NBAS: variants seen among roughly 807,000 people sequenced by gnomAD.
NBAS encodes NAG/BC035112 fusion.
NBAS carries 219 observed loss-of-function variants against 302.5 expected under a neutral mutation model. The ratio of observed to expected loss-of-function variants is 0.72; its 90% CI spans 0.65 to 0.81. NBAS has a LOEUF of 0.81. Among genes scored for constraint, NBAS ranks in the 30% least tolerant of loss-of-function variants. The probability of loss-of-function intolerance (pLI) is 0.00; values close to 1 mark genes in which losing one functional copy is unlikely to be tolerated. For missense variants in NBAS, 2,932 were observed against 2,841.6 expected, an observed-to-expected ratio of 1.03 and a Z score of -0.72; for synonymous variants, 1,118 against 1,021.6, an observed-to-expected ratio of 1.09 and a Z score of -1.80.
At chr2:15,549,669 A>G (rs1664283815) in intron 6 of NBAS, among the ~76,000 whole-genome samples, 1 of 152,020 alleles carries the variant, frequency 6.6e-6, no homozygotes, top group Non-Finnish European at 1.5e-5. Context: ...TTGAGTCTGC[A>G]GTGAGCCATG....
the NBAS span, among the ~76,000 whole-genome samples, chr2:14,804,176 G>A: frequency 6.6e-5 from 10 of 152,192 alleles, no homozygotes; most frequent in Admixed American, 3.3e-4. Context: ...CAATGCACAT[G>A]TGCCCCATGG....
At chr2:15,388,324 A>T (rs371403028) in intron 28 of NBAS, among the ~76,000 whole-genome samples, 1 of 152,184 alleles carries the variant, frequency 6.6e-6, no homozygotes, top group Admixed American at 6.5e-5. Flanking sequence ...ATTTATTCTT[A>T]GGTATTTAAT....
chr2:14,990,774 T>A, the NBAS span, among the ~76,000 whole-genome samples: 1 of 152,152 alleles, frequency 6.6e-6, no homozygotes. Context: ...TATTTTGCCA[T>A]CTTTTTAAAT....
At chr2:15,260,916 G>C (rs963070020) in intron 44 of NBAS, among the ~76,000 whole-genome samples, 1 of 152,138 alleles carries the variant, frequency 6.6e-6, no homozygotes, top group African/African-American at 2.4e-5. Context: ...TGATGTTTCC[G>C]ATCCTAATCC....
intron 9 of NBAS, among the ~76,000 whole-genome samples, chr2:15,528,692 A>G (rs1663054681): frequency 6.7e-6 from 1 of 149,124 alleles, no homozygotes; most frequent in African/African-American, 2.4e-5. Flanking sequence ...ACACTGTGAA[A>G]CCCAGTCTCT....
chr2:14,999,256 A>G, the NBAS span, among the ~76,000 whole-genome samples: 3 of 152,064 alleles, frequency 2.0e-5, no homozygotes, highest in African/African-American at 7.2e-5. Context: ...AATGTAAGCT[A>G]GCCAACTATT....
the NBAS span, among the ~76,000 whole-genome samples, chr2:14,861,779 TCA>T: frequency 0.2 from 30,660 of 152,118 alleles, 4,852 homozygotes; most frequent in African/African-American, 0.44. Flanking sequence ...AATATCAGCG[TCA>T]CTCTCTCTCC....
rs747817870 is a variant in NBAS at position 15,461,326 on chromosome 2, T to C, written c.2214A>G (p.Val738=). ...SARTYAQESN[V]QALEILFTYH... ...AAGTAAACAGAATTTCCAGGGCTTG[T>C]ACATTACTTTCCTGTACAAAAGGCA... Residue 738 remains valine, a synonymous_variant, in exon 21 of 52, where the codon GTA becomes GTG. Coordinates refer to ENST00000281513, the MANE Select transcript of NBAS (RefSeq NM_015909.4). 11 of 1,612,272 alleles carry C rather than the reference T, an allele frequency of 6.8e-6. No individual in the cohort carries two copies. Among genetic ancestry groups the C allele is most frequent in the Non-Finnish European group, 6.8e-6 (8 of 1,178,476 alleles).
intron 44 of NBAS, 137 bp from the exon 45 acceptor site, chr2:15,238,823 G>A: frequency 1.4e-6 from 1 of 717,222 alleles, no homozygotes; most frequent in East Asian, 2.8e-5. Context: ...TGTTATACTA[G>A]TTTTTCTTCT....
intron 47 of NBAS, among the ~76,000 whole-genome samples, chr2:15,220,968 G>T (rs184415220): frequency 4.6e-5 from 7 of 152,106 alleles, no homozygotes; most frequent in Middle Eastern, 3.4e-3. Context: ...CAATTTAAAA[G>T]AATTATTTGT....
At chr2:15,529,435 G>A (rs1172590524) in intron 9 of NBAS, among the ~76,000 whole-genome samples, 1 of 152,106 alleles carries the variant, frequency 6.6e-6, no homozygotes, top group African/African-American at 2.4e-5. Flanking sequence ...CGAGGCTGCA[G>A]TAAGCCAAAA....
chr2:15,045,519 T>A, the NBAS span, among the ~76,000 whole-genome samples: 1 of 152,218 alleles, frequency 6.6e-6, no homozygotes, highest in South Asian at 2.1e-4. Flanking sequence ...TTGTTTTGTT[T>A]TTTTAATTTA....
the NBAS span, among the ~76,000 whole-genome samples, chr2:14,783,173 G>A: frequency 6.6e-6 from 1 of 152,094 alleles, no homozygotes; most frequent in Non-Finnish European, 1.5e-5. Flanking sequence ...CATTCAATCT[G>A]ATAATGAAAT....
chr2:14,885,609 C>T, the NBAS span, among the ~76,000 whole-genome samples: 6 of 152,086 alleles, frequency 3.9e-5, no homozygotes, highest in African/African-American at 1.2e-4. Flanking sequence ...TTAAAGTCCA[C>T]GGAGTGACAA....
the NBAS span, among the ~76,000 whole-genome samples, chr2:14,898,061 A>C: frequency 6.6e-6 from 1 of 152,290 alleles, no homozygotes; most frequent in African/African-American, 2.4e-5. Flanking sequence ...AATCAGAAGA[A>C]CCTAGGCTTA....
chr2:15,046,006 T>C, the NBAS span, among the ~76,000 whole-genome samples: 3 of 152,224 alleles, frequency 2.0e-5, no homozygotes, highest in Non-Finnish European at 4.4e-5. Flanking sequence ...TAGTGAGCTC[T>C]TCCAGCTGAA....
chr2:15,220,025 G>A (rs866041768), intron 47 of NBAS, among the ~76,000 whole-genome samples: 635 of 146,058 alleles, frequency 4.3e-3, no homozygotes, highest in South Asian at 0.017. Flanking sequence ...CTGGCCAGGC[G>A]GGGGGCTGAT....
chr2:15,022,518 A>G, the NBAS span, among the ~76,000 whole-genome samples: 5 of 152,158 alleles, frequency 3.3e-5, no homozygotes, highest in Non-Finnish European at 5.9e-5. Flanking sequence ...AACTTTTAAC[A>G]TACCCCCTAA....
the NBAS span, among the ~76,000 whole-genome samples, chr2:14,809,989 C>T: frequency 1.3e-5 from 2 of 152,296 alleles, no homozygotes; most frequent in Middle Eastern, 3.4e-3. Flanking sequence ...GGCTTGCAGC[C>T]CCTTTGTTTT....
Sources: allele counts gnomAD v4.1 joint callset (sites outside exome capture counted in the v4.1 genomes callset), GRCh38; gene constraint gnomAD v4.1.1; transcripts MANE v1.5; gene names NCBI Gene and HGNC (gene_info 2026-07-23, HGNC 2026-07-21).